The following HIGD2B variants were observed in gnomAD, a reference collection of about 807,000 sequenced individuals.
HIGD2B encodes the protein HIG1 domain family member 2B.
For missense variants in HIGD2B, 106 were observed against 67.0 expected (o/e 1.58, Z -2.03); for synonymous variants, 45 against 28.1 (o/e 1.60, Z -1.90).
chr15:72,681,001 G>A (rs1429334648), intron 1 of HIGD2B, among the ~76,000 whole-genome samples: 1 of 152,208 alleles, frequency 6.6e-6, no homozygotes, highest in Admixed American at 6.5e-5. Context: ...ACTGTCTGAG[G>A]TGGGGATGCC....
At chr15:72,683,189 G>A (rs1228407006) in intron 1 of HIGD2B, among the ~76,000 whole-genome samples, 1 of 152,228 alleles carries the variant, frequency 6.6e-6, no homozygotes, top group African/African-American at 2.4e-5. Flanking sequence ...AGGAAAAGAT[G>A]AAAGTAGTTT....
chr15:72,678,429 A>G (rs1345568187), intron 2 of HIGD2B, among the ~76,000 whole-genome samples: 1 of 151,912 alleles, frequency 6.6e-6, no homozygotes, highest in Non-Finnish European at 1.5e-5. Context: ...CCAAGTAGCT[A>G]GGAATGCAGG....
chr15:72,676,303 A>G lies in HIGD2B; in HGVS notation c.72T>C (p.Leu24=), dbSNP rs1474628860. ...ESSKPPIFEG[L]SPTVYSNPEG... is the part of the protein sequence containing the mutation. ...CTGGATTGCTGTAAACAGTGGGGCT[A>G]AGCCCCTCAAAGATGGGGGGCTTCG... The change falls in exon 3 of 3, where the codon CTT becomes CTC. Residue 24 remains leucine, a synonymous_variant. Transcript: ENST00000311755. 1 of 762,374 alleles carries G rather than the reference A, an allele frequency of 1.3e-6. No homozygotes were observed. Among genetic ancestry groups the G allele is most frequent in the Admixed American group, 1.7e-5 (1 of 58,070 alleles). 47.2% of individuals were successfully genotyped at this position (762,374 alleles called of 1,614,324 possible). A position where few individuals can be genotyped will look rare whatever the true frequency, so the allele number is the denominator to read the frequency against.
intron 2 of HIGD2B, among the ~76,000 whole-genome samples, chr15:72,679,790 G>A (rs1349306213): frequency 1.3e-5 from 2 of 152,090 alleles, no homozygotes; most frequent in African/African-American, 4.8e-5. Flanking sequence ...TGTCCTGTTG[G>A]TACCAAAAAC....
intron 1 of HIGD2B, among the ~76,000 whole-genome samples, chr15:72,684,681 G>T (rs1485837807): frequency 6.6e-6 from 1 of 152,120 alleles, no homozygotes; most frequent in Non-Finnish European, 1.5e-5. Context: ...TAGAGACAGG[G>T]TTACACCATG....
chr15:72,680,253 A>T (rs1297717356), intron 1 of HIGD2B, 60 bp from the exon 2 acceptor site: 1 of 153,588 alleles, frequency 6.5e-6, no homozygotes, highest in Non-Finnish European at 1.5e-5. Flanking sequence ...CTTTAAAAAT[A>T]ACAAACTTAA....
intron 1 of HIGD2B, among the ~76,000 whole-genome samples, chr15:72,684,928 C>T (rs548127613): frequency 6.6e-6 from 1 of 152,180 alleles, no homozygotes; most frequent in Non-Finnish European, 1.5e-5. Context: ...CGATTACAGG[C>T]GGGCACCACC....
At chr15:72,678,960 G>A (rs2064720077) in intron 2 of HIGD2B, among the ~76,000 whole-genome samples, 2 of 151,678 alleles carry the variant, frequency 1.3e-5, no homozygotes, top group South Asian at 4.1e-4. Context: ...TTGTGCCACT[G>A]CATTTCAGCC....
At position 72,686,131 on chromosome 15, in the gene HIGD2B, C is replaced by G. The variant is rs750157523; in HGVS notation, c.-506G>C. ...CACTCGGCGATTTACTTCCTTCCCC[C>G]GCTTCCTCACAGTCCTCCACAGCCC... On this transcript the variant is annotated 5_prime_UTR_variant, in exon 1 of 3. Coordinates refer to ENST00000311755, the MANE Select transcript of HIGD2B (RefSeq NM_001350932.3). 2 of 1,297,062 alleles carry G rather than the reference C, an allele frequency of 1.5e-6. No individual in the cohort carries two copies. Among genetic ancestry groups the G allele is most frequent in the East Asian group, 2.5e-5 (1 of 39,726 alleles). The allele number at this position is 1,297,062 out of a possible 1,614,324, so 80.3% of individuals were successfully genotyped here.
chr15:72,678,990 C>T (rs532556358), intron 2 of HIGD2B, among the ~76,000 whole-genome samples: 72 of 147,626 alleles, frequency 4.9e-4, no homozygotes, highest in African/African-American at 1.8e-3. Context: ...GAGCAAGAGA[C>T]TTTGTCTCAA....
intron 1 of HIGD2B, chr15:72,682,524 G>A (rs12592955): frequency 0.12 from 18,731 of 156,610 alleles, 1,777 homozygotes; most frequent in East Asian, 0.48. Flanking sequence ...CCAACATGGT[G>A]AAATCCTGTC....
Position 72,686,114 on chromosome 15 carries a change from G to T in HIGD2B, c.-489C>A. On this transcript the variant is annotated 5_prime_UTR_variant, in exon 1 of 3. Coordinates refer to ENST00000311755, the MANE Select transcript of HIGD2B (RefSeq NM_001350932.3). ...CCCCTGATTCCTTAGGTCACTCGGC[G>T]ATTTACTTCCTTCCCCCGCTTCCTC... 2 of 1,137,892 alleles carry T rather than the reference G, an allele frequency of 1.8e-6. No individual in the cohort carries two copies. Among genetic ancestry groups the T allele is most frequent in the Non-Finnish European group, 1.3e-6 (1 of 783,026 alleles). The allele number at this position is 1,137,892 out of a possible 1,614,324, so 70.5% of individuals were successfully genotyped here.
At chr15:72,685,499 A>G (rs192831468) in intron 1 of HIGD2B, among the ~76,000 whole-genome samples, 4 of 152,334 alleles carry the variant, frequency 2.6e-5, no homozygotes, top group Admixed American at 1.3e-4. Flanking sequence ...AACACTAAAC[A>G]TTTAATTCAC....
chr15:72,678,170 A>G (rs1196197690), intron 2 of HIGD2B, among the ~76,000 whole-genome samples: 2 of 152,250 alleles, frequency 1.3e-5, no homozygotes, highest in South Asian at 2.1e-4. Context: ...TCAGAGTCCA[A>G]TAGTCACATA....
Position 72,686,116 on chromosome 15 carries a change from T to C in HIGD2B, c.-491A>G. 8.6e-7 allele frequency: 1 copy of C among 1,161,038 alleles called. No individual in the cohort carries two copies. Among genetic ancestry groups the C allele is most frequent in the Non-Finnish European group, 1.2e-6 (1 of 803,876 alleles). 71.9% of individuals were successfully genotyped at this position (1,161,038 alleles called of 1,614,324 possible). A position where few individuals can be genotyped will look rare whatever the true frequency, so the allele number is the denominator to read the frequency against. On this transcript the variant is annotated 5_prime_UTR_variant, in exon 1 of 3. Coordinates refer to ENST00000311755, the MANE Select transcript of HIGD2B (RefSeq NM_001350932.3). Reference sequence around the variant, plus strand: ...CCTGATTCCTTAGGTCACTCGGCGATTTACTTCCTTCCCCCGCTTCCTCAC... The same window carrying C: ...CCTGATTCCTTAGGTCACTCGGCGACTTACTTCCTTCCCCCGCTTCCTCAC...
chr15:72,682,772 AT>A, intron 1 of HIGD2B: 1 of 220,090 alleles, frequency 4.5e-6, no homozygotes. Flanking sequence ...ATTCTTCTGT[AT>A]TTGCAAGTTA....
chr15:72,676,998 A>G (rs922528839), intron 2 of HIGD2B, among the ~76,000 whole-genome samples: 22 of 152,364 alleles, frequency 1.4e-4, no homozygotes, highest in African/African-American at 5.3e-4. Context: ...GGTGGACTGT[A>G]TCAATGTTAA....
intron 1 of HIGD2B, 43 bp downstream of exon 1, chr15:72,685,775 C>T: frequency 7.2e-6 from 2 of 279,514 alleles, no homozygotes; most frequent in East Asian, 8.9e-5. Context: ...AAGGTGAGTA[C>T]CTCAGTTCGA....
chr15:72,676,467 C>A (rs1409350711), intron 2 of HIGD2B, 80 bp from the exon 3 acceptor site: 2 of 608,974 alleles, frequency 3.3e-6, no homozygotes, highest in Non-Finnish European at 2.9e-6. Flanking sequence ...TGCAGTGGTG[C>A]AACCTTGGCT....
Sources: gnomAD v4.1 joint callset for allele counts (sites outside exome capture counted in the v4.1 genomes callset) on GRCh38, gnomAD v4.1.1 for gene constraint, MANE v1.5 for transcripts, NCBI Gene and HGNC (gene_info 2026-07-23, HGNC 2026-07-21) for gene names.